The following RNF220 variants were observed in gnomAD, a reference collection of about 807,000 sequenced individuals.
RNF220 encodes ring finger protein 220, also known as E3 ubiquitin-protein ligase RNF220.
In RNF220, 7 loss-of-function variants were observed where a neutral mutation model predicts 67.1. The observed-to-expected ratio is 0.10, with a 90% CI of 0.06 to 0.20. RNF220 has a LOEUF of 0.20. Among genes scored for constraint, RNF220 ranks in the 10% least tolerant of loss-of-function variants. The pLI is 1.00. For missense variants in RNF220, 565 were observed against 740.3 expected, an observed-to-expected ratio of 0.76 and a Z score of 2.75; for synonymous variants, 270 against 283.2, an observed-to-expected ratio of 0.95 and a Z score of 0.47.
At chr1:44,560,504 G>T (rs1663484338) in intron 2 of RNF220, among the ~76,000 whole-genome samples, 1 of 152,196 alleles carries the variant, frequency 6.6e-6, no homozygotes, top group Non-Finnish European at 1.5e-5. Flanking sequence ...TAGAGTTTCA[G>T]AGCATTTTCA....
At chr1:44,451,345 T>C (rs1384398404) in intron 2 of RNF220, among the ~76,000 whole-genome samples, 1 of 152,226 alleles carries the variant, frequency 6.6e-6, no homozygotes, top group Non-Finnish European at 1.5e-5. Context: ...AAGTATATTG[T>C]TCTTTTATAG....
intron 2 of RNF220, among the ~76,000 whole-genome samples, chr1:44,485,386 G>A (rs118100443): frequency 6.6e-6 from 1 of 152,302 alleles, no homozygotes; most frequent in East Asian, 1.9e-4. Context: ...CCTATGGAGA[G>A]ACAGTGGTTG....
intron 4 of RNF220, among the ~76,000 whole-genome samples, chr1:44,623,751 G>A (rs969980148): frequency 2.0e-5 from 3 of 152,200 alleles, no homozygotes; most frequent in African/African-American, 7.2e-5. Flanking sequence ...TAAGGTCCAG[G>A]AGGCAGGGAA....
chr1:44,467,233 T>C (rs6673602), intron 2 of RNF220, among the ~76,000 whole-genome samples: 152,080 of 152,286 alleles, frequency 1, 75,937 homozygotes, highest in Middle Eastern at 1. Context: ...TCTTTTGAGA[T>C]GGAATTTCGC....
At chr1:44,492,575 T>C (rs1198496241) in intron 2 of RNF220, among the ~76,000 whole-genome samples, 2 of 152,222 alleles carry the variant, frequency 1.3e-5, no homozygotes, top group Non-Finnish European at 2.9e-5. Context: ...AATGGAATAT[T>C]TTTAGCCATA....
At chr1:44,431,244 C>T (rs536780898) in intron 2 of RNF220, among the ~76,000 whole-genome samples, 2 of 152,066 alleles carry the variant, frequency 1.3e-5, no homozygotes, top group Non-Finnish European at 1.5e-5. Flanking sequence ...GCCTGTAATC[C>T]CAGCAGTTTG....
intron 2 of RNF220, among the ~76,000 whole-genome samples, chr1:44,541,766 C>T (rs1004389045): frequency 4.6e-5 from 7 of 152,188 alleles, no homozygotes; most frequent in Non-Finnish European, 8.8e-5. Context: ...CACACTGAAC[C>T]GTCATCTGAG....
In RNF220 at chr1:44,621,802, G is replaced by A. The variant is rs1051827711; in HGVS notation, c.759-940G>A. The stretch of plus-strand genomic sequence containing the variant: ...GGGTATATCTGCAGGTGTGCTGTAC[G>A]TTATACCTCATATGTGTGTCTGTGC... On this transcript the variant is annotated intron_variant, in intron 3 of 14. Coordinates refer to ENST00000361799, the MANE Select transcript of RNF220 (RefSeq NM_018150.4). The surrounding 1 kb of genome is among the most constrained non-coding windows in gnomAD (Gnocchi z 4.8). Among the ~76,000 whole-genome samples, 4 of 152,144 alleles carry A rather than the reference G, an allele frequency of 2.6e-5. No individual in the cohort carries two copies. The highest frequency in any genetic ancestry group is 4.8e-5 in the African/African-American group (2 of 41,418).
chr1:44,524,531 G>GT (rs1288271401), intron 2 of RNF220, among the ~76,000 whole-genome samples: 1 of 152,138 alleles, frequency 6.6e-6, no homozygotes, highest in Non-Finnish European at 1.5e-5. Context: ...CTTTGTAAAA[G>GT]TTTTTTACAT....
intron 2 of RNF220, among the ~76,000 whole-genome samples, chr1:44,563,204 CCT>C: frequency 6.6e-6 from 1 of 151,870 alleles, no homozygotes; most frequent in African/African-American, 2.4e-5. Flanking sequence ...GAAGGCAGCC[CCT>C]TTTTCCTGGT....
chr1:44,489,524 C>T (rs982760311), intron 2 of RNF220, among the ~76,000 whole-genome samples: 2 of 152,252 alleles, frequency 1.3e-5, no homozygotes, highest in Non-Finnish European at 2.9e-5. Flanking sequence ...TGAGTTCCCA[C>T]TATGTGCCAG....
intron 2 of RNF220, among the ~76,000 whole-genome samples, chr1:44,478,123 G>A (rs2148012152): frequency 6.6e-6 from 1 of 152,120 alleles, no homozygotes; most frequent in South Asian, 2.1e-4. Flanking sequence ...GGATTACAAG[G>A]TATGCACCAC....
chr1:44,521,704 T>G (rs945378506), intron 2 of RNF220, among the ~76,000 whole-genome samples: 2 of 152,164 alleles, frequency 1.3e-5, no homozygotes, highest in African/African-American at 4.8e-5. Context: ...AGAACTTACC[T>G]CTACTGCAGA....
chr1:44,644,565 C>G (rs1256125080), intron 8 of RNF220, 133 bp from the exon 9 acceptor site: 1 of 647,108 alleles, frequency 1.5e-6, no homozygotes, highest in Non-Finnish European at 2.7e-6. Context: ...GTATCTGGCT[C>G]TATACATCCC....
rs568395541 is a variant in RNF220, at chr1:44,650,089, A to G, written c.1629+132A>G. ...GGAGAACAGAGCCAGGAGCCAGGAT[A>G]TTTACCCGCAGGATATTTACCCCCA... On this transcript the variant is annotated intron_variant, in intron 14 of 14. Coordinates refer to ENST00000361799, the MANE Select transcript of RNF220 (RefSeq NM_018150.4). This position sits in a 1 kb window ranked among gnomAD's most constrained non-coding sequence, Gnocchi z 4.3. 1.6e-5 allele frequency: 15 copies of G among 940,548 alleles called. No individual in the cohort carries two copies. Among genetic ancestry groups the G allele is most frequent in the Admixed American group, 7.5e-5 (3 of 39,972 alleles). The allele number at this position is 940,548 out of a possible 1,614,324, so 58.3% of individuals were successfully genotyped here. A position where few individuals can be genotyped will look rare whatever the true frequency, so the allele number is the denominator to read the frequency against.
At chr1:44,438,211 C>T (rs1651178470) in intron 2 of RNF220, among the ~76,000 whole-genome samples, 1 of 152,108 alleles carries the variant, frequency 6.6e-6, no homozygotes, top group African/African-American at 2.4e-5. Flanking sequence ...GCCTCAGACT[C>T]CTGGGCTCAA....
intron 2 of RNF220, among the ~76,000 whole-genome samples, chr1:44,535,388 C>T (rs1156550246): frequency 1.3e-5 from 2 of 152,096 alleles, no homozygotes; most frequent in Non-Finnish European, 2.9e-5. Flanking sequence ...ATCCGCCCAC[C>T]TTGGCCTCCC....
At chr1:44,532,035 A>T (rs1012575743) in intron 2 of RNF220, among the ~76,000 whole-genome samples, 7 of 152,048 alleles carry the variant, frequency 4.6e-5, no homozygotes, top group African/African-American at 1.7e-4. Context: ...TTATCCCTCT[A>T]AAGTCAGTGC....
chr1:44,457,856 T>C (rs922898566), intron 2 of RNF220, among the ~76,000 whole-genome samples: 10 of 152,196 alleles, frequency 6.6e-5, no homozygotes, highest in African/African-American at 2.4e-4. Context: ...CACTTGCTAG[T>C]CTTTGGGTAG....
Sources: gnomAD v4.1 joint callset for allele counts (sites outside exome capture counted in the v4.1 genomes callset) on GRCh38, gnomAD v4.1.1 for gene constraint, Gnocchi (gnomAD v3.1) non-coding constraint, MANE v1.5 for transcripts, NCBI Gene and HGNC (gene_info 2026-07-23, HGNC 2026-07-21) for gene names.